The following DLG2 variants were observed in gnomAD, a reference collection of about 807,000 sequenced individuals.
DLG2 encodes discs large MAGUK scaffold protein 2.
In DLG2, 45 loss-of-function variants were observed where a neutral mutation model predicts 132.5. The ratio of observed to expected loss-of-function variants is 0.34; its 90% confidence interval spans 0.27 to 0.44. DLG2 has a LOEUF of 0.44. Ranked by LOEUF, DLG2 falls within the 20% of genes least tolerant of loss-of-function variation. The probability of loss-of-function intolerance (pLI) is 1.00; values close to 1 mark genes in which losing one functional copy is unlikely to be tolerated. For missense variants in DLG2, 1,045 were observed against 1,196.9 expected, an observed-to-expected ratio of 0.87 and a Z score of 1.87; for synonymous variants, 424 against 419.6, an observed-to-expected ratio of 1.01 and a Z score of -0.13.
intron 4 of DLG2, among the ~76,000 whole-genome samples, chr11:85,177,263 TTATA>T (rs748552882): frequency 7.3e-6 from 1 of 137,046 alleles, no homozygotes; most frequent in East Asian, 2.2e-4. Flanking sequence ...GTATATGTAT[TTATA>T]TATATATATA....
intron 7 of DLG2, among the ~76,000 whole-genome samples, chr11:84,349,107 G>T (rs149884123): frequency 6.6e-6 from 1 of 152,130 alleles, no homozygotes; most frequent in Non-Finnish European, 1.5e-5. Context: ...ATTACCTCCC[G>T]GTTTTAACTT....
intron 7 of DLG2, among the ~76,000 whole-genome samples, chr11:84,396,394 A>G (rs987611800): frequency 2.6e-5 from 4 of 152,374 alleles, no homozygotes; most frequent in Non-Finnish European, 5.9e-5. Context: ...CTTTAAAAAA[A>G]AATATATGGT....
chr11:83,924,559 C>T (rs1004763778), intron 15 of DLG2, among the ~76,000 whole-genome samples: 1 of 152,098 alleles, frequency 6.6e-6, no homozygotes, highest in Non-Finnish European at 1.5e-5. Flanking sequence ...TTGCACAGCC[C>T]TTCCCCCATA....
intron 6 of DLG2, among the ~76,000 whole-genome samples, chr11:84,887,905 T>G (rs923759551): frequency 6.6e-6 from 1 of 152,146 alleles, no homozygotes; most frequent in Non-Finnish European, 1.5e-5. Context: ...GTAACTAGTA[T>G]CCACAATTAC....
chr11:84,596,792 G>A (rs1008549531), intron 6 of DLG2, among the ~76,000 whole-genome samples: 1 of 152,158 alleles, frequency 6.6e-6, no homozygotes, highest in Non-Finnish European at 1.5e-5. Flanking sequence ...AACTGAGGTT[G>A]AACTGTTAAC....
At chr11:84,182,552 A>AAAAAG (rs111787887) in intron 8 of DLG2, among the ~76,000 whole-genome samples, 9,796 of 152,064 alleles carry the variant, frequency 0.064, 384 homozygotes, top group African/African-American at 0.1. Flanking sequence ...AAAGAAAAAG[A>AAAAAG]AAAAGAATAG....
In DLG2 at chr11:83,480,757, C is replaced by G; in HGVS notation, c.2293+3372G>C. The stretch of plus-strand genomic sequence containing the variant: ...ATTTATGTGACAATGACTAGTATGT[C>G]TTGACTGAGTGTTTTCTTGACTATA... On this transcript the variant is annotated intron_variant, in intron 22 of 27. Coordinates refer to ENST00000376104, the MANE Select transcript of DLG2 (RefSeq NM_001142699.3). 4 of 752,322 alleles carry G rather than the reference C, an allele frequency of 5.3e-6. No individual in the cohort carries two copies. In the East Asian group the frequency reaches 1.1e-4, roughly 20 times the overall value. The allele number at this position is 752,322 out of a possible 1,614,324, so 46.6% of individuals were successfully genotyped here.
chr11:84,460,272 T>C (rs2099076858), intron 7 of DLG2, among the ~76,000 whole-genome samples: 1 of 150,604 alleles, frequency 6.6e-6, no homozygotes, highest in African/African-American at 2.4e-5. Context: ...TTATTTAGGA[T>C]CTATTCATCT....
chr11:84,116,578 C>T (rs927650614), intron 9 of DLG2, among the ~76,000 whole-genome samples: 63 of 152,158 alleles, frequency 4.1e-4, no homozygotes, highest in Admixed American at 4.1e-3. Context: ...AGGAGAACGA[C>T]ATGGGAGAAA....
chr11:84,943,777 A>G (rs2049810361), intron 6 of DLG2, among the ~76,000 whole-genome samples: 1 of 152,134 alleles, frequency 6.6e-6, no homozygotes. Flanking sequence ...TAGTTTGTAT[A>G]CCATAATTAC....
chr11:84,153,683 G>T (rs2095359816), intron 9 of DLG2, among the ~76,000 whole-genome samples: 1 of 152,092 alleles, frequency 6.6e-6, no homozygotes, highest in South Asian at 2.1e-4. Flanking sequence ...GAATTTTTCA[G>T]TTCCAGAACT....
chr11:83,583,329 T>C (rs1335497140), intron 19 of DLG2, among the ~76,000 whole-genome samples: 1 of 152,146 alleles, frequency 6.6e-6, no homozygotes, highest in African/African-American at 2.4e-5. Context: ...CCCTCACACA[T>C]GCTCATGAAC....
At chr11:83,824,866 G>A (rs546523548) in intron 17 of DLG2, among the ~76,000 whole-genome samples, 187 of 152,070 alleles carry the variant, frequency 1.2e-3, no homozygotes, top group Non-Finnish European at 2.4e-3. Context: ...CTGATGTTAA[G>A]TACATGGTTC....
chr11:85,585,830 C>T (rs1197873256), intron 3 of DLG2, among the ~76,000 whole-genome samples: 1 of 152,070 alleles, frequency 6.6e-6, no homozygotes, highest in Admixed American at 6.5e-5. Flanking sequence ...TCTCCTGCCT[C>T]AGCCTCTGGA....
chr11:84,202,676 C>T (rs374296454), intron 8 of DLG2, among the ~76,000 whole-genome samples: 1 of 152,208 alleles, frequency 6.6e-6, no homozygotes, highest in East Asian at 1.9e-4. Context: ...TCAAAGTGAA[C>T]AGACAACATA....
intron 18 of DLG2, chr11:83,725,101 G>C: frequency 1.8e-6 from 1 of 552,328 alleles, no homozygotes. Flanking sequence ...CAATTTGAAA[G>C]ATGGGATTAT....
chr11:84,334,227 G>A (rs774126876), intron 7 of DLG2, among the ~76,000 whole-genome samples: 42 of 152,186 alleles, frequency 2.8e-4, no homozygotes, highest in Non-Finnish European at 5.6e-4. Flanking sequence ...GAAAGCTATT[G>A]TCAAAATGTT....
intron 7 of DLG2, among the ~76,000 whole-genome samples, chr11:84,434,666 A>T (rs999045850): frequency 3.9e-5 from 6 of 152,184 alleles, no homozygotes; most frequent in Non-Finnish European, 8.8e-5. Context: ...TGTGAGCATT[A>T]TGATGGTCAT....
At chr11:85,339,042 C>T (rs117780723) in intron 3 of DLG2, among the ~76,000 whole-genome samples, 197 of 152,322 alleles carry the variant, frequency 1.3e-3, no homozygotes, top group Middle Eastern at 3.4e-3. Context: ...GTATTTCCTT[C>T]ACACAAATAA....
Sources: gnomAD v4.1 joint callset for allele counts (sites outside exome capture counted in the v4.1 genomes callset) on GRCh38, gnomAD v4.1.1 for gene constraint, MANE v1.5 for transcripts, NCBI Gene and HGNC (gene_info 2026-07-23, HGNC 2026-07-21) for gene names.